The following RALYL variants were observed in gnomAD, a reference collection of about 807,000 sequenced individuals.
The protein encoded by RALYL is RALY RNA binding protein like, also known as RNA-binding Raly-like protein.
In RALYL, 29 loss-of-function variants were observed where a neutral mutation model predicts 35.1. That is an observed-to-expected ratio of 0.83 (90% confidence interval 0.61 to 1.13). RALYL has a LOEUF of 1.13. Among genes scored for constraint, RALYL ranks in the 50% most tolerant of loss-of-function variants. The pLI is 0.00. For synonymous variants in RALYL, 120 were observed against 127.6 expected (o/e 0.94, Z 0.40); for missense variants, 359 against 360.4 (o/e 1.00, Z 0.03).
At chr8:84,310,763 T>TTAATGTA (rs1554614651) in intron 1 of RALYL, among the ~76,000 whole-genome samples, 1 of 150,892 alleles carries the variant, frequency 6.6e-6, no homozygotes. Flanking sequence ...AAAATGTATA[T>TTAATGTA]TAGGCCGGGT....
intron 1 of RALYL, among the ~76,000 whole-genome samples, chr8:84,306,532 G>A (rs1039985901): frequency 1.3e-5 from 2 of 152,070 alleles, no homozygotes; most frequent in South Asian, 2.1e-4. Flanking sequence ...TGCCTGATGC[G>A]CCTCACTTCA....
chr8:84,467,340 G>A (rs1292065453), intron 1 of RALYL, among the ~76,000 whole-genome samples: 5 of 151,292 alleles, frequency 3.3e-5, no homozygotes, highest in African/African-American at 9.7e-5. Flanking sequence ...CTGGTATGTT[G>A]TGTCTTTGTT....
At chr8:84,666,153 G>A (rs1474072981) in intron 2 of RALYL, among the ~76,000 whole-genome samples, 1 of 151,890 alleles carries the variant, frequency 6.6e-6, no homozygotes. Flanking sequence ...CTCTATTCTT[G>A]CATGAAGAGT....
At chr8:84,251,765 T>C (rs980364341) in intron 1 of RALYL, among the ~76,000 whole-genome samples, 2 of 152,226 alleles carry the variant, frequency 1.3e-5, no homozygotes, top group South Asian at 4.2e-4. Context: ...TTATATTTGC[T>C]GTTTTGATTC....
At position 84,490,409 on chromosome 8, in the gene RALYL, G is replaced by A. The variant is rs549945209; in HGVS notation, c.-23-38890G>A. 8.4e-4 allele frequency among the ~76,000 whole-genome samples: 127 copies of A among 152,054 alleles called. 1 individual carries two copies. The Middle Eastern group carries it at 0.014, about 16-fold the overall frequency. ...GAGGTGAAATAAAAAAGAATATGCA[G>A]AAGAAAAGATTGAAGGTTGTTGCCT... On this transcript the variant is annotated intron_variant, in intron 1 of 8. Transcript: ENST00000521268.
intron 8 of RALYL, chr8:84,907,085 C>A: frequency 2.1e-6 from 1 of 472,110 alleles, no homozygotes; most frequent in Non-Finnish European, 2.8e-6. Flanking sequence ...TTGATATTTT[C>A]TGCCTTGCCA....
chr8:84,446,298 T>C (rs1280690231), intron 1 of RALYL, among the ~76,000 whole-genome samples: 12 of 151,840 alleles, frequency 7.9e-5, no homozygotes, highest in Non-Finnish European at 1.6e-4. Context: ...AGAAAAAAAA[T>C]CATAGTTCTT....
chr8:84,778,784 C>A (rs892762509), intron 3 of RALYL, among the ~76,000 whole-genome samples: 1 of 152,112 alleles, frequency 6.6e-6, no homozygotes, highest in African/African-American at 2.4e-5. Flanking sequence ...GGTGACTGAT[C>A]GGAAATGGGG....
intron 5 of RALYL, among the ~76,000 whole-genome samples, chr8:84,857,030 G>A (rs1321792887): frequency 2.7e-5 from 2 of 74,102 alleles, no homozygotes; most frequent in African/African-American, 1.1e-4. Flanking sequence ...GCGAGACTCC[G>A]TCTCAGAAAA....
chr8:84,737,856 A>G (rs1035511621), intron 2 of RALYL, among the ~76,000 whole-genome samples: 1 of 151,984 alleles, frequency 6.6e-6, no homozygotes, highest in Non-Finnish European at 1.5e-5. Flanking sequence ...GCCAGGAAGC[A>G]TGCTCTTACC....
At chr8:84,340,658 A>G (rs1586434855) in intron 1 of RALYL, among the ~76,000 whole-genome samples, 2 of 152,078 alleles carry the variant, frequency 1.3e-5, no homozygotes, top group Non-Finnish European at 1.5e-5. Flanking sequence ...TATTCAAGTC[A>G]CTATTTTAAG....
At chr8:84,450,135 A>G (rs146627016) in intron 1 of RALYL, among the ~76,000 whole-genome samples, 307 of 152,040 alleles carry the variant, frequency 2.0e-3, no homozygotes, top group African/African-American at 7.1e-3. Flanking sequence ...TCCAGAAACT[A>G]CTACTAAAAT....
intron 1 of RALYL, among the ~76,000 whole-genome samples, chr8:84,287,640 A>AC (rs755109244): frequency 2.6e-5 from 4 of 152,098 alleles, no homozygotes; most frequent in Non-Finnish European, 5.9e-5. Context: ...GGGAAAAAAA[A>AC]GCCCCTTAAT....
intron 6 of RALYL, chr8:84,872,642 A>T (rs1255609990): frequency 2.0e-5 from 3 of 152,170 alleles, no homozygotes; most frequent in Admixed American, 2.0e-4. Context: ...GGGAACTACT[A>T]CTATTGAAAT....
intron 2 of RALYL, among the ~76,000 whole-genome samples, chr8:84,531,383 A>T (rs781054949): frequency 6.6e-6 from 1 of 152,148 alleles, no homozygotes; most frequent in East Asian, 1.9e-4. Flanking sequence ...AACTGCAAAC[A>T]AATCACTATC....
intron 2 of RALYL, among the ~76,000 whole-genome samples, chr8:84,714,662 A>G (rs1842692238): frequency 6.6e-6 from 1 of 151,936 alleles, no homozygotes; most frequent in African/African-American, 2.4e-5. Flanking sequence ...ATCAGAAAGC[A>G]ACTTTCTTAA....
In RALYL at chr8:84,509,052, A is replaced by G. The variant is rs1044241931; in HGVS notation, c.-23-20247A>G. 2.0e-5 allele frequency among the ~76,000 whole-genome samples: 3 copies of G among 152,174 alleles called. No homozygotes were observed. The South Asian group carries it at 6.2e-4, about 31-fold the overall frequency. ...TATACTTTAAAAAAATGTACAAAGC[A>G]TGTTGACTACATACATATTATATCA... On this transcript the variant is annotated intron_variant, in intron 1 of 8. Transcript: ENST00000521268.
At chr8:84,904,647 G>T (rs1443115757) in intron 8 of RALYL, among the ~76,000 whole-genome samples, 1 of 150,910 alleles carries the variant, frequency 6.6e-6, no homozygotes, top group Non-Finnish European at 1.5e-5. Context: ...TTGTAGAGTT[G>T]CTTCATTTGA....
At chr8:84,916,336 G>A (rs950627580) in intron 8 of RALYL, among the ~76,000 whole-genome samples, 4 of 151,666 alleles carry the variant, frequency 2.6e-5, no homozygotes, top group African/African-American at 9.7e-5. Flanking sequence ...CTGAAAAAGA[G>A]GGTTCTTTTT....
Sources: allele counts gnomAD v4.1 joint callset (sites outside exome capture counted in the v4.1 genomes callset), GRCh38; gene constraint gnomAD v4.1.1; transcripts MANE v1.5; gene names NCBI Gene and HGNC (gene_info 2026-07-23, HGNC 2026-07-21).